TRPV2: variants seen among roughly 807,000 people sequenced by gnomAD.
TRPV2 encodes transient receptor potential cation channel subfamily V member 2, also known as OTRPC2.
In TRPV2, 58 loss-of-function variants were observed where a neutral mutation model predicts 91.0. The ratio of observed to expected loss-of-function variants is 0.64; its 90% CI spans 0.52 to 0.79. TRPV2 has a LOEUF of 0.79. Ranked by LOEUF, TRPV2 falls within the 30% of genes least tolerant of loss-of-function variation. The pLI, the probability that TRPV2 is intolerant of heterozygous loss-of-function variation, is 0.00. For synonymous variants in TRPV2, 417 were observed against 414.8 expected (o/e 1.01, Z -0.06); for missense variants, 807 against 969.6 (o/e 0.83, Z 2.23).
In TRPV2 at chr17:16,435,013, C is replaced by A; in HGVS notation, c.2194+44C>A. 1 of 1,544,954 alleles carries A rather than the reference C, an allele frequency of 6.5e-7. No homozygotes were observed. The highest frequency in any genetic ancestry group is 8.8e-7 in the Non-Finnish European group (1 of 1,135,290). On this transcript the variant is annotated intron_variant, in intron 14 of 14. Transcript: ENST00000338560. This position sits in a 1 kb window ranked among gnomAD's most constrained non-coding sequence, Gnocchi z 4.2. ...AGAGCCTCTGCCCTGGGGTGTGTGT[C>A]TCTGCTGCTTGGCCACAAAGCCTTG...
intron 5 of TRPV2, among the ~76,000 whole-genome samples, chr17:16,425,445 C>T (rs1290801295): frequency 6.6e-6 from 1 of 152,216 alleles, no homozygotes; most frequent in Non-Finnish European, 1.5e-5. Context: ...TTCCAAATAG[C>T]TTTTGCCAAT....
Position 16,426,259 on chromosome 17 carries a change from G to A in TRPV2, c.1085G>A (p.Cys362Tyr). The change falls in exon 6 of 15, where the codon TGC (cysteine) becomes TAC (tyrosine). Residue 362 changes from cysteine (C) to tyrosine (Y), a missense_variant. Transcript: ENST00000338560. This position sits in a 1 kb window ranked among gnomAD's most constrained non-coding sequence, Gnocchi z 6.0. Reference protein sequence around the residue: ...NSVLEIIAFHCKSPHRHRMVV... With the variant: ...NSVLEIIAFHYKSPHRHRMVV... ...GTGCTGGAGATCATTGCCTTTCATTGCAAGAGCCCGGTGAGCCCACAGGAG... is the reference window on the plus strand; with the variant it reads ...GTGCTGGAGATCATTGCCTTTCATTACAAGAGCCCGGTGAGCCCACAGGAG... 6.2e-7 allele frequency: 1 copy of A among 1,614,118 alleles called. No homozygotes were observed. The highest frequency in any genetic ancestry group is 1.3e-5 in the African/African-American group (1 of 75,038).
rs765360293 is a variant in TRPV2 at position 16,426,796 on chromosome 17, GTTC to G, written c.1176_1178del (p.Phe392del). 25 of 1,613,900 alleles carry G rather than the reference GTTC, an allele frequency of 1.5e-5. 1 individual carries two copies. In the Admixed American group the frequency reaches 2.7e-4, roughly 17 times the overall value. ...CGAAATGGGATCTGCTCATCCCCAAGTTCTTCTTAAACTTCCTGTGTAATCTGA... is the reference window on the plus strand; with the variant it reads ...CGAAATGGGATCTGCTCATCCCCAAGTTCTTAAACTTCCTGTGTAATCTGA... On this transcript the variant is annotated inframe_deletion, in exon 7 of 15. Transcript: ENST00000338560. This position sits in a 1 kb window ranked among gnomAD's most constrained non-coding sequence, Gnocchi z 6.0.
Position 16,436,963 on chromosome 17 carries a change from C to T in TRPV2, c.*74C>T. On this transcript the variant is annotated 3_prime_UTR_variant, in exon 15 of 15. Coordinates refer to ENST00000338560, the MANE Select transcript of TRPV2 (RefSeq NM_016113.5). The stretch of plus-strand genomic sequence containing the variant: ...AACCACATCTGCTGGCTCTGGGGTC[C>T]CAGTGAATTCTGGTGGCAAATATAT... 2.6e-6 allele frequency: 3 copies of T among 1,174,404 alleles called. No individual in the cohort carries two copies. Among genetic ancestry groups the T allele is most frequent in the Non-Finnish European group, 3.8e-6 (3 of 790,726 alleles). 72.7% of individuals were successfully genotyped at this position (1,174,404 alleles called of 1,614,324 possible).
chr17:16,432,361 C>T, intron 12 of TRPV2, 61 bp downstream of exon 12: 2 of 1,495,842 alleles, frequency 1.3e-6, no homozygotes, highest in East Asian at 2.3e-5. Flanking sequence ...GGGGAGTGCT[C>T]CGGACCCTGC....
At chr17:16,424,161 G>GTTT (rs71152804) in intron 5 of TRPV2, among the ~76,000 whole-genome samples, 4 of 133,658 alleles carry the variant, frequency 3.0e-5, no homozygotes, top group African/African-American at 2.8e-5. Context: ...AGCTAATTTT[G>GTTT]TTTTTTTTTT....
At chr17:16,436,746 C>A in intron 14 of TRPV2, 43 bp from the exon 15 acceptor site, 2 of 1,429,326 alleles carry the variant, frequency 1.4e-6, no homozygotes, top group Non-Finnish European at 2.0e-6. Flanking sequence ...TTCCTGGGGA[C>A]ACACTCAAGG....
chr17:16,428,943 C>A lies in TRPV2; in HGVS notation c.1548C>A (p.Gly516=), dbSNP rs1568916548. 1.9e-6 allele frequency: 3 copies of A among 1,614,190 alleles called. No individual in the cohort carries two copies. Among genetic ancestry groups the A allele is most frequent in the Non-Finnish European group, 2.5e-6 (3 of 1,180,044 alleles). Residue 516 remains glycine, a synonymous_variant, in exon 10 of 15, where the codon GGC becomes GGA. Transcript: ENST00000338560. ...TGAACCTGCTTTACTATACACGTGG[C>A]TTCCAGCACACAGGCATCTACAGTG... The part of the protein sequence containing the change: ...GWLNLLYYTR[G]FQHTGIYSVM...
In TRPV2 at chr17:16,433,717, G is replaced by A; in HGVS notation, c.2114+19G>A. 6.2e-7 allele frequency: 1 copy of A among 1,611,900 alleles called. No homozygotes were observed. Among genetic ancestry groups the A allele is most frequent in the South Asian group, 1.1e-5 (1 of 90,942 alleles). The stretch of plus-strand genomic sequence containing the variant: ...GCTTCAGGTGAGTGAGTGGTGGGAG[G>A]GTCTCCTGGGGGCCTTGCTGTCCAG... On this transcript the variant is annotated intron_variant, in intron 13 of 14. Coordinates refer to ENST00000338560, the MANE Select transcript of TRPV2 (RefSeq NM_016113.5).
At chr17:16,430,039 A>G (rs2142997076) in intron 10 of TRPV2, among the ~76,000 whole-genome samples, 1 of 151,574 alleles carries the variant, frequency 6.6e-6, no homozygotes, top group East Asian at 1.9e-4. Context: ...TAATTTTTGT[A>G]TTTTTAGTAG....
chr17:16,420,370 G>A (rs544002593), intron 3 of TRPV2, 122 bp downstream of exon 3: 1 of 1,281,714 alleles, frequency 7.8e-7, no homozygotes, highest in East Asian at 2.4e-5. Flanking sequence ...CCTCCCACTG[G>A]AAGGATGGCT....
At position 16,431,821 on chromosome 17, in the gene TRPV2, A is replaced by G; in HGVS notation, c.1625A>G (p.Tyr542Cys). The change falls in exon 11 of 15, where the codon TAC (tyrosine) becomes TGC (cysteine). Residue 542 changes from tyrosine (Y) to cysteine (C), a missense_variant. By Grantham distance (194) the Tyr-to-Cys change is radical. Coordinates refer to ENST00000338560, the MANE Select transcript of TRPV2 (RefSeq NM_016113.5). ...LRDLLRFLLI[Y>C]LVFLFGFAVA... Reference sequence around the variant, plus strand: ...GACCTGCTGCGCTTCCTTCTGATCTACTTAGTCTTCCTTTTCGGCTTCGCT... The same window carrying G: ...GACCTGCTGCGCTTCCTTCTGATCTGCTTAGTCTTCCTTTTCGGCTTCGCT... The G allele has an allele frequency of 6.2e-7, 1 of 1,613,940 alleles. No homozygotes were observed. The highest frequency in any genetic ancestry group is 8.5e-7 in the Non-Finnish European group (1 of 1,179,972).
chr17:16,418,602 G>A (rs1371417425), intron 2 of TRPV2, among the ~76,000 whole-genome samples: 3 of 152,094 alleles, frequency 2.0e-5, no homozygotes, highest in African/African-American at 7.2e-5. Flanking sequence ...TGTTTGTGCT[G>A]GAGGACAGTG....
In TRPV2 at chr17:16,435,427, A is replaced by ATAAG. The variant is rs1160520400; in HGVS notation, c.2194+458_2194+459insTAAG. ...GAGGAACTGCCCTGCATAGGCCCTT[A>ATAAG]GTCCCTTCACACCCCAAGTCCCCCA... On this transcript the variant is annotated intron_variant, in intron 14 of 14. Coordinates refer to ENST00000338560, the MANE Select transcript of TRPV2 (RefSeq NM_016113.5). This position sits in a 1 kb window ranked among gnomAD's most constrained non-coding sequence, Gnocchi z 4.2. 2.0e-5 allele frequency among the ~76,000 whole-genome samples: 3 copies of ATAAG among 152,086 alleles called. No individual in the cohort carries two copies. The highest frequency in any genetic ancestry group is 2.9e-5 in the Non-Finnish European group (2 of 67,996).
At chr17:16,421,383 A>AT (rs1045053284) in intron 3 of TRPV2, among the ~76,000 whole-genome samples, 6 of 151,218 alleles carry the variant, frequency 4.0e-5, no homozygotes, top group African/African-American at 9.7e-5. Context: ...CACCTGGCTA[A>AT]TTTTTTGTAT....
intron 5 of TRPV2, among the ~76,000 whole-genome samples, chr17:16,425,635 G>A (rs2093379455): frequency 6.6e-6 from 1 of 152,222 alleles, no homozygotes; most frequent in Admixed American, 6.5e-5. Flanking sequence ...GCCTATGAAA[G>A]CAGTGTCCTG....
intron 4 of TRPV2, 94 bp from the exon 5 acceptor site, chr17:16,423,375 T>C: frequency 7.0e-7 from 1 of 1,418,976 alleles, no homozygotes; most frequent in Non-Finnish European, 9.4e-7. Flanking sequence ...CCTGACCTGT[T>C]TCAAGGAGGG....
At position 16,417,648 on chromosome 17, in the gene TRPV2, G is replaced by T. The variant is rs202004299; in HGVS notation, c.-21G>T. The T allele has an allele frequency of 1.2e-6, 2 of 1,612,910 alleles. No individual in the cohort carries two copies. Among genetic ancestry groups the T allele is most frequent in the Admixed American group, 1.7e-5 (1 of 59,978 alleles). On this transcript the variant is annotated 5_prime_UTR_variant, in exon 2 of 15. Coordinates refer to ENST00000338560, the MANE Select transcript of TRPV2 (RefSeq NM_016113.5). ...TCTGCACAGAGGTCCTGGCTGGACC[G>T]AGCAGCCTCCTCCTCCTAGGATGAC...
chr17:16,435,029 C>T lies in TRPV2; in HGVS notation c.2194+60C>T. The T allele has an allele frequency of 6.7e-7, 1 of 1,489,812 alleles. No individual in the cohort carries two copies. The highest frequency in any genetic ancestry group is 9.2e-7 in the Non-Finnish European group (1 of 1,092,472). 92.3% of individuals were successfully genotyped at this position (1,489,812 alleles called of 1,614,324 possible). A position where few individuals can be genotyped will look rare whatever the true frequency, so the allele number is the denominator to read the frequency against. On this transcript the variant is annotated intron_variant, in intron 14 of 14. Coordinates refer to ENST00000338560, the MANE Select transcript of TRPV2 (RefSeq NM_016113.5). This position sits in a 1 kb window ranked among gnomAD's most constrained non-coding sequence, Gnocchi z 4.2. Reference sequence around the variant, plus strand: ...GGTGTGTGTCTCTGCTGCTTGGCCACAAAGCCTTGGAGAGTCTGGGGCAGG... The same window carrying T: ...GGTGTGTGTCTCTGCTGCTTGGCCATAAAGCCTTGGAGAGTCTGGGGCAGG...
Sources: gnomAD v4.1 joint callset for allele counts (sites outside exome capture counted in the v4.1 genomes callset) on GRCh38, gnomAD v4.1.1 for gene constraint, Gnocchi (gnomAD v3.1) non-coding constraint, MANE v1.5 for transcripts, NCBI Gene and HGNC (gene_info 2026-07-23, HGNC 2026-07-21) for gene names.